PPP2R5C: variants seen among roughly 807,000 people sequenced by gnomAD.
The protein encoded by PPP2R5C is protein phosphatase 2 regulatory subunit B'gamma.
A neutral mutation model predicts 68.9 loss-of-function variants in PPP2R5C; 7 were observed. The ratio of observed to expected loss-of-function variants is 0.10; its 90% CI spans 0.06 to 0.19. The LOEUF (loss-of-function observed/expected upper bound fraction) is 0.19. Among genes scored for constraint, PPP2R5C ranks in the 10% least tolerant of loss-of-function variants. The pLI is 1.00. For missense variants in PPP2R5C, 348 were observed against 641.3 expected (o/e 0.54, Z 4.94); for synonymous variants, 210 against 222.2 (o/e 0.95, Z 0.49).
At chr14:101,922,252 GC>G (rs2047046300) in intron 13 of PPP2R5C, 1 of 925,422 alleles carries the variant, frequency 1.1e-6, no homozygotes, top group Admixed American at 6.2e-5. Flanking sequence ...ACTTTGGGAG[GC>G]CGAGGCGGGC....
chr14:101,867,971 T>C (rs1381331160), intron 2 of PPP2R5C, among the ~76,000 whole-genome samples: 3 of 152,162 alleles, frequency 2.0e-5, no homozygotes, highest in African/African-American at 7.2e-5. Flanking sequence ...TTAGGATCTG[T>C]TGGCCGGGTC....
chr14:101,830,328 C>G (rs1342931405), intron 1 of PPP2R5C, among the ~76,000 whole-genome samples: 2 of 152,192 alleles, frequency 1.3e-5, no homozygotes, highest in African/African-American at 4.8e-5. Flanking sequence ...ACTGCTGTCT[C>G]CAGACAAGAC....
chr14:101,764,385 C>T (rs770392950), intron 2 of PPP2R5C, among the ~76,000 whole-genome samples: 17 of 152,298 alleles, frequency 1.1e-4, no homozygotes, highest in Non-Finnish European at 2.1e-4. Flanking sequence ...TCACAAATGA[C>T]GTTTATTTGC....
intron 3 of PPP2R5C, among the ~76,000 whole-genome samples, chr14:101,802,761 C>A (rs962251714): frequency 1.3e-5 from 2 of 151,908 alleles, no homozygotes; most frequent in African/African-American, 4.8e-5. Flanking sequence ...ATCTAAAGAA[C>A]TCCTACAACT....
intron 3 of PPP2R5C, chr14:101,796,830 G>C (rs950864616): frequency 8.5e-5 from 21 of 246,956 alleles, no homozygotes; most frequent in African/African-American, 4.6e-4. Context: ...TCCTCTGTCT[G>C]GTCCAGCGCC....
chr14:101,919,166 C>T (rs1317907175), intron 13 of PPP2R5C, among the ~76,000 whole-genome samples: 3 of 152,222 alleles, frequency 2.0e-5, no homozygotes, highest in African/African-American at 4.8e-5. Context: ...AAAGGGCTCA[C>T]GGCACCAAGT....
chr14:101,821,773 G>A (rs1342759718), intron 1 of PPP2R5C, among the ~76,000 whole-genome samples: 3 of 151,794 alleles, frequency 2.0e-5, no homozygotes, highest in African/African-American at 7.3e-5. Context: ...AGGAGGTGGC[G>A]GCAAGTGGAA....
intron 1 of PPP2R5C, among the ~76,000 whole-genome samples, chr14:101,816,479 C>T (rs116624579): frequency 1.3e-5 from 2 of 152,044 alleles, no homozygotes; most frequent in African/African-American, 4.8e-5. Flanking sequence ...TAACAGGTAC[C>T]GTGAGTGAAT....
chr14:101,821,717 G>A (rs186173342), intron 1 of PPP2R5C, among the ~76,000 whole-genome samples: 1 of 151,738 alleles, frequency 6.6e-6, no homozygotes, highest in Non-Finnish European at 1.5e-5. Context: ...ATGTGGTCTC[G>A]CATGTTTTTC....
chr14:101,794,090 A>G (rs961640437), intron 3 of PPP2R5C, among the ~76,000 whole-genome samples: 2 of 152,190 alleles, frequency 1.3e-5, no homozygotes, highest in African/African-American at 4.8e-5. Flanking sequence ...TCGAGTGGGG[A>G]AACAGGAATG....
intron 1 of PPP2R5C, among the ~76,000 whole-genome samples, chr14:101,846,276 G>A (rs1165263017): frequency 6.6e-6 from 1 of 152,128 alleles, no homozygotes; most frequent in African/African-American, 2.4e-5. Flanking sequence ...ATGTGTGCAG[G>A]GAAGCTAAGA....
chr14:101,871,258 T>G (rs1390712613), intron 2 of PPP2R5C, among the ~76,000 whole-genome samples: 1 of 150,540 alleles, frequency 6.6e-6, no homozygotes, highest in Non-Finnish European at 1.5e-5. Context: ...TGTTGTTGTT[T>G]TGAGACAGAG....
chr14:101,896,000 GCTTT>G (rs1396843538), intron 8 of PPP2R5C, among the ~76,000 whole-genome samples: 7 of 152,104 alleles, frequency 4.6e-5, no homozygotes, highest in Admixed American at 4.6e-4. Flanking sequence ...TGCTGCTGTT[GCTTT>G]CTTTTTATTT....
intron 1 of PPP2R5C, among the ~76,000 whole-genome samples, chr14:101,826,012 A>G (rs2040377487): frequency 6.6e-6 from 1 of 152,248 alleles, no homozygotes. Flanking sequence ...TGGCTATCAC[A>G]GCTGTCACAG....
chr14:101,875,618 TAGATGATA>T (rs975943194), intron 2 of PPP2R5C, among the ~76,000 whole-genome samples: 1 of 152,196 alleles, frequency 6.6e-6, no homozygotes, highest in African/African-American at 2.4e-5. Context: ...TTATGTTCTC[TAGATGATA>T]GCTGAGTTCT....
chr14:101,765,220 C>G, intron 2 of PPP2R5C: 2 of 702,692 alleles, frequency 2.8e-6, no homozygotes, highest in Non-Finnish European at 5.2e-6. Flanking sequence ...AATGTTGGGC[C>G]CTTCACTGCT....
intron 8 of PPP2R5C, among the ~76,000 whole-genome samples, chr14:101,895,211 A>G (rs1461879271): frequency 2.0e-5 from 3 of 152,196 alleles, no homozygotes; most frequent in Non-Finnish European, 4.4e-5. Context: ...CATTTTTTGA[A>G]ACAACTTTAT....
chr14:101,808,902 T>C (rs1053452834), upstream of PPP2R5C, among the ~76,000 whole-genome samples: 4 of 152,240 alleles, frequency 2.6e-5, no homozygotes, highest in African/African-American at 7.2e-5. Flanking sequence ...CACCCCCTCA[T>C]GGGATCCTGC....
chr14:101,835,047 C>T lies in PPP2R5C; in HGVS notation c.95-21639C>T, dbSNP rs1216222418. ...ACTTTTTAGGAGTGTATTCAAAGCA[C>T]ATTCACAGTAAGGAAAAAAAAAATG... On this transcript the variant is annotated intron_variant, in intron 1 of 13. Transcript: ENST00000334743. The surrounding 1 kb of genome is among the most constrained non-coding windows in gnomAD (Gnocchi z 5.0). 8.5e-5 allele frequency among the ~76,000 whole-genome samples: 13 copies of T among 152,154 alleles called. No individual in the cohort carries two copies. The South Asian group carries it at 2.3e-3, about 27-fold the overall frequency.
Sources: allele counts gnomAD v4.1 joint callset (sites outside exome capture counted in the v4.1 genomes callset), GRCh38; gene constraint gnomAD v4.1.1; non-coding constraint Gnocchi (gnomAD v3.1); transcripts MANE v1.5; gene names NCBI Gene and HGNC (gene_info 2026-07-23, HGNC 2026-07-21).